The following VPS8 variants were observed in gnomAD, a reference collection of about 807,000 sequenced individuals.
The protein encoded by VPS8 is vacuolar protein sorting-associated protein 8 homolog.
Under a neutral mutation model 216.4 loss-of-function variants are expected in VPS8, and 129 were observed. The observed-to-expected ratio is 0.60, with a 90% CI of 0.52 to 0.69. The LOEUF (loss-of-function observed/expected upper bound fraction) is 0.69. VPS8 is among the 30% of genes least tolerant of loss of function. The probability of loss-of-function intolerance (pLI) is 0.00; values close to 1 mark genes in which losing one functional copy is unlikely to be tolerated. For missense variants in VPS8, 1,531 were observed against 1,683.5 expected, an observed-to-expected ratio of 0.91 and a Z score of 1.59; for synonymous variants, 571 against 565.4, an observed-to-expected ratio of 1.01 and a Z score of -0.14.
At chr3:185,011,186 G>T (rs556336865) in intron 45 of VPS8, among the ~76,000 whole-genome samples, 1 of 151,728 alleles carries the variant, frequency 6.6e-6, no homozygotes, top group South Asian at 2.1e-4. Context: ...TATAGTAGAT[G>T]ACCTTTTTGC....
chr3:184,898,606 G>T lies in VPS8; in HGVS notation c.2046G>T (p.Met682Ile). The change falls in exon 24 of 48, where the codon ATG becomes ATT. Residue 682 changes from methionine to isoleucine, a missense_variant. Coordinates refer to ENST00000625842, the MANE Select transcript of VPS8 (RefSeq NM_001009921.3). ...GGGAAAATCGTTTATATGATGCTAT[G>T]ATCTATGTCTACAACAGAGGCATGA... ...MCWENRLYDA[M>I]IYVYNRGMNE... 6.4e-7 allele frequency: 1 copy of T among 1,555,096 alleles called. No homozygotes were observed. The highest frequency in any genetic ancestry group is 2.4e-5 in the East Asian group (1 of 41,676).
chr3:184,962,272 G>A (rs979902880), intron 37 of VPS8, among the ~76,000 whole-genome samples: 4 of 152,122 alleles, frequency 2.6e-5, no homozygotes, highest in Non-Finnish European at 2.9e-5. Flanking sequence ...AGGGTTCTCT[G>A]AATAATATAC....
chr3:184,893,665 A>G (rs957036595), intron 22 of VPS8, among the ~76,000 whole-genome samples: 3 of 152,220 alleles, frequency 2.0e-5, no homozygotes, highest in African/African-American at 4.8e-5. Flanking sequence ...TTCATAGCAC[A>G]TTTCAAGTGC....
intron 22 of VPS8, among the ~76,000 whole-genome samples, chr3:184,888,133 G>A (rs539311022): frequency 4.0e-5 from 6 of 151,868 alleles, no homozygotes; most frequent in Admixed American, 2.0e-4. Flanking sequence ...GACTACAGGC[G>A]CCCGCCACCA....
In VPS8 at chr3:184,984,485, G is replaced by C. The variant is rs188740935; in HGVS notation, c.3585+1391G>C. Among the ~76,000 whole-genome samples the C allele has an allele frequency of 2.5e-4, 38 of 151,764 alleles. 1 individual carries two copies. The highest frequency in any genetic ancestry group is 8.7e-4 in the African/African-American group (36 of 41,428). ...ATTTTGTATTTTTAGTAGAGACCGGGTTTCTCCATGTTGGTCAGGCTGGTC... is the reference window on the plus strand; with the variant it reads ...ATTTTGTATTTTTAGTAGAGACCGGCTTTCTCCATGTTGGTCAGGCTGGTC... On this transcript the variant is annotated intron_variant, in intron 42 of 47. Coordinates refer to ENST00000625842, the MANE Select transcript of VPS8 (RefSeq NM_001009921.3).
intron 1 of VPS8, among the ~76,000 whole-genome samples, chr3:184,814,301 A>G (rs983205462): frequency 6.6e-6 from 1 of 152,230 alleles, no homozygotes; most frequent in Non-Finnish European, 1.5e-5. Flanking sequence ...GCAAAGGACC[A>G]GTAACCCCCA....
At chr3:184,925,321 A>G (rs1035917422) in intron 30 of VPS8, among the ~76,000 whole-genome samples, 3 of 152,236 alleles carry the variant, frequency 2.0e-5, no homozygotes, top group African/African-American at 7.2e-5. Context: ...ACTTTTGTAC[A>G]ATCTCAGTTT....
intron 39 of VPS8, among the ~76,000 whole-genome samples, chr3:184,971,429 C>CT (rs908926224): frequency 2.6e-5 from 4 of 152,258 alleles, no homozygotes; most frequent in African/African-American, 9.6e-5. Flanking sequence ...GTGTGATGTG[C>CT]TTTATCTGTC....
At chr3:184,982,745 T>A (rs1750423747) in intron 41 of VPS8, 98 bp downstream of exon 41, 3 of 1,019,678 alleles carry the variant, frequency 2.9e-6, no homozygotes, top group East Asian at 5.1e-5. Flanking sequence ...TCCAATAGCA[T>A]ATTCTTATGA....
rs1195174376 is a variant in VPS8 at position 184,839,729 on chromosome 3, C to T, written c.512C>T (p.Ser171Phe). The T allele has an allele frequency of 1.2e-6, 2 of 1,606,102 alleles. No homozygotes were observed. The highest frequency in any genetic ancestry group is 1.7e-6 in the Non-Finnish European group (2 of 1,175,732). ...AVSSLIAVGT[S>F]HGLALIFGKD... ...TCCAGTCTGATAGCAGTGGGTACAT[C>T]TCATGGATTGGCTTTAATATTTGGT... The change falls in exon 7 of 48, where the codon TCT (serine) becomes TTT (phenylalanine). Residue 171 changes from serine (S) to phenylalanine (F), a missense_variant. Coordinates refer to ENST00000625842, the MANE Select transcript of VPS8 (RefSeq NM_001009921.3).
At chr3:184,956,053 T>G (rs889717219) in intron 36 of VPS8, among the ~76,000 whole-genome samples, 1 of 152,176 alleles carries the variant, frequency 6.6e-6, no homozygotes, top group Non-Finnish European at 1.5e-5. Flanking sequence ...TATTGAAAGT[T>G]CCAAGCAGCA....
rs534948308 is a variant in VPS8, at chr3:184,823,667, G to A, written c.-88-878G>A. Among the ~76,000 whole-genome samples the A allele has an allele frequency of 4.1e-3, 621 of 152,162 alleles. 1 individual carries two copies. The highest frequency in any genetic ancestry group is 9.4e-3 in the South Asian group (45 of 4,806). ...TATCCTAAACAGGTAAAGCTAATTGGACTTTTTAAAGTTGGGTCACTTGTG... is the reference window on the plus strand; with the variant it reads ...TATCCTAAACAGGTAAAGCTAATTGAACTTTTTAAAGTTGGGTCACTTGTG... On this transcript the variant is annotated intron_variant, in intron 1 of 47. Coordinates refer to ENST00000625842, the MANE Select transcript of VPS8 (RefSeq NM_001009921.3).
At chr3:184,889,637 C>T (rs1166319027) in intron 22 of VPS8, among the ~76,000 whole-genome samples, 1 of 151,924 alleles carries the variant, frequency 6.6e-6, no homozygotes, top group Non-Finnish European at 1.5e-5. Context: ...TGTCTCTTTC[C>T]CTAATTCTAC....
intron 8 of VPS8, among the ~76,000 whole-genome samples, chr3:184,844,665 G>A (rs1290143511): frequency 6.6e-6 from 1 of 152,130 alleles, no homozygotes; most frequent in Non-Finnish European, 1.5e-5. Context: ...TACATTATTT[G>A]TGACTTTTCT....
intron 36 of VPS8, 26 bp from the exon 37 acceptor site, chr3:184,957,348 G>A (rs754724045): frequency 1.3e-6 from 2 of 1,579,718 alleles, no homozygotes; most frequent in African/African-American, 1.4e-5. Flanking sequence ...ACAATTGAGT[G>A]TTCTCTTTAT....
At chr3:184,989,470 G>T (rs896242894) in intron 42 of VPS8, among the ~76,000 whole-genome samples, 39 of 151,374 alleles carry the variant, frequency 2.6e-4, no homozygotes, top group Non-Finnish European at 4.9e-4. Flanking sequence ...GTCTCACCGT[G>T]TTGCCCAAGC....
chr3:185,002,434 C>T (rs1217156824), intron 45 of VPS8, among the ~76,000 whole-genome samples: 2 of 152,120 alleles, frequency 1.3e-5, no homozygotes, highest in South Asian at 2.1e-4. Flanking sequence ...GTTCGGAAAC[C>T]ATTTAATTTT....
At chr3:185,050,975 G>T (rs533508788) in intron 47 of VPS8, among the ~76,000 whole-genome samples, 1 of 152,290 alleles carries the variant, frequency 6.6e-6, no homozygotes, top group East Asian at 1.9e-4. Flanking sequence ...TGGGGTGGAA[G>T]TTAACTCACA....
In VPS8 at chr3:184,853,986, A is replaced by T. The variant is rs745977950; in HGVS notation, c.951A>T (p.Leu317Phe). The T allele has an allele frequency of 1.6e-5, 26 of 1,613,728 alleles. No homozygotes were observed. The highest frequency in any genetic ancestry group is 2.2e-5 in the Non-Finnish European group (26 of 1,179,758). The stretch of plus-strand genomic sequence containing the variant: ...ATCATCCCATCACACAGTTTTCATT[A>T]TTGGCCATGGCATCCTTGACAAAAG... The part of the protein sequence containing the change: ...LKDHPITQFS[L>F]LAMASLTKIL... The change falls in exon 12 of 48, where the codon TTA becomes TTT. Residue 317 changes from leucine to phenylalanine, a missense_variant. Physicochemically the swap from Leu to Phe is conservative, Grantham distance 22. Around this residue, in one of 3 missense-constraint regions of VPS8, gnomAD observed 1,318 missense variants for 1,468.4 expected, o/e 0.90. Coordinates refer to ENST00000625842, the MANE Select transcript of VPS8 (RefSeq NM_001009921.3).
Sources: allele counts gnomAD v4.1 joint callset (sites outside exome capture counted in the v4.1 genomes callset), GRCh38; gene constraint gnomAD v4.1.1; regional missense constraint gnomAD v4.1.1; transcripts MANE v1.5; gene names NCBI Gene and HGNC (gene_info 2026-07-23, HGNC 2026-07-21).